Variants in KIAA1671 observed in about 807,000 individuals in gnomAD.
KIAA1671 encodes the protein KIAA1671.
In KIAA1671, 52 loss-of-function variants were observed where a neutral mutation model predicts 131.2. The ratio of observed to expected loss-of-function variants is 0.40; its 90% confidence interval spans 0.32 to 0.50. The LOEUF (loss-of-function observed/expected upper bound fraction) is 0.50. KIAA1671 is among the 20% of genes least tolerant of loss of function. KIAA1671 has a pLI of 0.73. For synonymous variants in KIAA1671, 1,003 were observed against 961.6 expected (o/e 1.04, Z -0.80); for missense variants, 2,360 against 2,364.2 (o/e 1.00, Z 0.04).
intron 6 of KIAA1671, among the ~76,000 whole-genome samples, chr22:25,122,641 G>A (rs1931996736): frequency 6.6e-6 from 1 of 152,114 alleles, no homozygotes; most frequent in African/African-American, 2.4e-5. Context: ...CATGGACTAA[G>A]CCCCACTTTG....
intron 3 of KIAA1671, among the ~76,000 whole-genome samples, chr22:25,030,545 C>A (rs1926229975): frequency 6.7e-6 from 1 of 149,960 alleles, no homozygotes; most frequent in Non-Finnish European, 1.5e-5. Context: ...AAAAAAAAAA[C>A]ACCAAAAAAC....
At chr22:25,180,958 C>G (rs1167470516) in intron 9 of KIAA1671, among the ~76,000 whole-genome samples, 1 of 152,214 alleles carries the variant, frequency 6.6e-6, no homozygotes, top group African/African-American at 2.4e-5. Flanking sequence ...TCCCATCAGC[C>G]TGGAGGAGCC....
intron 6 of KIAA1671, among the ~76,000 whole-genome samples, chr22:25,134,949 C>T (rs1932607257): frequency 1.3e-5 from 2 of 152,188 alleles, no homozygotes; most frequent in African/African-American, 2.4e-5. Context: ...ACACTCTATA[C>T]ATGTTAGCAG....
At chr22:24,984,041 G>A (rs1412496481) in intron 1 of KIAA1671, among the ~76,000 whole-genome samples, 2 of 152,124 alleles carry the variant, frequency 1.3e-5, no homozygotes, top group Admixed American at 6.6e-5. Context: ...GCCTCCCAAA[G>A]TGCTAGGATT....
intron 1 of KIAA1671, chr22:25,022,531 T>G (rs1418863947): frequency 1.3e-5 from 2 of 152,214 alleles, no homozygotes; most frequent in Non-Finnish European, 2.9e-5. Flanking sequence ...TCAGCACCTG[T>G]TGCTCTTGGG....
At chr22:25,125,868 T>G (rs1236299299) in intron 6 of KIAA1671, among the ~76,000 whole-genome samples, 2 of 152,214 alleles carry the variant, frequency 1.3e-5, no homozygotes, top group Admixed American at 1.3e-4. Flanking sequence ...GGCCAAAGTA[T>G]TAGTAGTAGG....
At chr22:25,026,098 G>A (rs1465589617) in intron 2 of KIAA1671, among the ~76,000 whole-genome samples, 3 of 152,076 alleles carry the variant, frequency 2.0e-5, no homozygotes, top group African/African-American at 4.8e-5. Context: ...ACCTCTAACC[G>A]TGTCTAGACA....
intron 6 of KIAA1671, among the ~76,000 whole-genome samples, chr22:25,071,290 C>T (rs1928803993): frequency 6.6e-6 from 1 of 152,188 alleles, no homozygotes; most frequent in African/African-American, 2.4e-5. Flanking sequence ...TGAGTGTTTG[C>T]AAATACTTCA....
chr22:25,061,388 CTAGCCTCTAGTGCTG>C (rs1928152486), intron 6 of KIAA1671: 1 of 152,234 alleles, frequency 6.6e-6, no homozygotes, highest in African/African-American at 2.4e-5. Flanking sequence ...TCCAGGCCCT[CTAGCCTCTAGTGCTG>C]TAATTTATTC....
At chr22:25,098,431 T>A (rs9612862) in intron 6 of KIAA1671, among the ~76,000 whole-genome samples, 7,346 of 152,254 alleles carry the variant, frequency 0.048, 249 homozygotes, top group Non-Finnish European at 0.075. Context: ...TTTCTGTTCT[T>A]ATAAGCCTTC....
chr22:25,103,728 G>A (rs910617474), intron 6 of KIAA1671, among the ~76,000 whole-genome samples: 2 of 152,136 alleles, frequency 1.3e-5, no homozygotes, highest in Non-Finnish European at 2.9e-5. Flanking sequence ...GCCTGACCTT[G>A]TGATCCGCCC....
intron 9 of KIAA1671, chr22:25,179,220 C>G (rs1934167864): frequency 7.3e-7 from 1 of 1,364,438 alleles, no homozygotes; most frequent in Admixed American, 2.0e-5. Context: ...GGAGGAGGAA[C>G]AAAAGTTGCA....
At position 25,086,300 on chromosome 22, in the gene KIAA1671, C is replaced by T. The variant is rs960174087; in HGVS notation, c.4530+36936C>T. Among the ~76,000 whole-genome samples, 7 of 152,160 alleles carry T rather than the reference C, an allele frequency of 4.6e-5. No individual in the cohort carries two copies. In the East Asian group the frequency reaches 9.6e-4, roughly 21 times the overall value. ...CTCATTAAATGTTAATCTGAATGAGCGAATGAGTGGGTGAGTGAAAAAGTG... is the reference window on the plus strand; with the variant it reads ...CTCATTAAATGTTAATCTGAATGAGTGAATGAGTGGGTGAGTGAAAAAGTG... On this transcript the variant is annotated intron_variant, in intron 6 of 12. Coordinates refer to ENST00000358431, the MANE Select transcript of KIAA1671 (RefSeq NM_001145206.2).
In KIAA1671 at chr22:25,040,472, C is replaced by G; in HGVS notation, c.3342C>G (p.Ala1114=). Residue 1114 remains alanine (A), a synonymous_variant, in exon 5 of 13, where the codon GCC becomes GCG. Transcript: ENST00000358431. The part of the protein sequence containing the change: ...KPTDRPSSLG[A]WSLDPFNGRI... ...CAGACCGTCCATCATCTCTTGGGGC[C>G]TGGAGTCTGGACCCTTTCAATGGAA... The G allele has an allele frequency of 6.4e-7, 1 of 1,551,978 alleles. No homozygotes were observed. Among genetic ancestry groups the G allele is most frequent in the Non-Finnish European group, 8.7e-7 (1 of 1,147,050 alleles).
intron 1 of KIAA1671, among the ~76,000 whole-genome samples, chr22:24,989,550 T>C (rs1157762824): frequency 2.6e-5 from 4 of 152,092 alleles, no homozygotes; most frequent in Non-Finnish European, 5.9e-5. Flanking sequence ...GTCTCTAAGA[T>C]GAAAATTCTG....
intron 11 of KIAA1671, chr22:25,185,626 C>T (rs1207043824): frequency 8.4e-6 from 1 of 119,728 alleles, no homozygotes; most frequent in East Asian, 2.5e-4. Flanking sequence ...GCTTCTGCCC[C>T]CCAAGAGGCT....
In KIAA1671 at chr22:25,039,108, A is replaced by C; in HGVS notation, c.1978A>C (p.Arg660=). The C allele has an allele frequency of 6.4e-7, 1 of 1,551,562 alleles. No homozygotes were observed. Among genetic ancestry groups the C allele is most frequent in the South Asian group, 1.2e-5 (1 of 84,062 alleles). ...PRPEMGSWLG[R]DPPDMTKLKK... is the part of the protein sequence containing the mutation. ...GCCTGAGATGGGCTCTTGGCTGGGCAGGGACCCACCAGACATGACAAAACT... is the reference window on the plus strand; with the variant it reads ...GCCTGAGATGGGCTCTTGGCTGGGCCGGGACCCACCAGACATGACAAAACT... Residue 660 remains arginine, a synonymous_variant, in exon 5 of 13, where the codon AGG becomes CGG. Coordinates refer to ENST00000358431, the MANE Select transcript of KIAA1671 (RefSeq NM_001145206.2).
At chr22:24,962,422 G>A (rs1229494389) in intron 1 of KIAA1671, among the ~76,000 whole-genome samples, 1 of 152,176 alleles carries the variant, frequency 6.6e-6, no homozygotes, top group African/African-American at 2.4e-5. Context: ...CCTGATAGGG[G>A]CAGAATGAGG....
At chr22:24,987,909 T>C (rs1321390177) in intron 1 of KIAA1671, among the ~76,000 whole-genome samples, 1 of 152,214 alleles carries the variant, frequency 6.6e-6, no homozygotes, top group Non-Finnish European at 1.5e-5. Context: ...CTGTCATGTC[T>C]GCCTTCTCTC....
Sources: gnomAD v4.1 joint callset for allele counts (sites outside exome capture counted in the v4.1 genomes callset) on GRCh38, gnomAD v4.1.1 for gene constraint, MANE v1.5 for transcripts, NCBI Gene and HGNC (gene_info 2026-07-23, HGNC 2026-07-21) for gene names.